The following ZNF723 variants were observed in gnomAD, a reference collection of about 807,000 sequenced individuals.
The protein encoded by ZNF723 is zinc finger protein 723, pseudogene.
ZNF723 carries 5 observed loss-of-function variants against 9.4 expected under a neutral mutation model. The ratio of observed to expected loss-of-function variants is 0.53; its 90% CI spans 0.28 to 1.12. The LOEUF is 1.12. Ranked by LOEUF, ZNF723 falls within the 50% of genes most tolerant of loss-of-function variation. The pLI, the probability that ZNF723 is intolerant of heterozygous loss-of-function variation, is 0.10. For synonymous variants in ZNF723, 158 were observed against 168.8 expected, an observed-to-expected ratio of 0.94 and a Z score of 0.49; for missense variants, 450 against 501.5, an observed-to-expected ratio of 0.90 and a Z score of 0.98.
intron 1 of ZNF723, among the ~76,000 whole-genome samples, chr19:22,836,765 G>A (rs910678579): frequency 5.9e-5 from 9 of 152,178 alleles, no homozygotes; most frequent in Non-Finnish European, 1.2e-4. Flanking sequence ...CAGAGTCTAT[G>A]TCTGGCTGTG....
chr19:22,848,556 C>G (rs1219492464), intron 2 of ZNF723, among the ~76,000 whole-genome samples, 169 bp downstream of exon 2: 3 of 152,030 alleles, frequency 2.0e-5, no homozygotes, highest in African/African-American at 7.2e-5. Flanking sequence ...TCAAGATAAA[C>G]ATCTTGAAGT....
At chr19:22,850,505 T>C (rs1967379572) in intron 3 of ZNF723, among the ~76,000 whole-genome samples, 1 of 145,544 alleles carries the variant, frequency 6.9e-6, no homozygotes, top group Admixed American at 6.9e-5. Context: ...TTTTTTTTTT[T>C]TCTTTTTACT....
intron 1 of ZNF723, among the ~76,000 whole-genome samples, chr19:22,842,752 A>AGAGCCAGGTT (rs1177563730): frequency 6.6e-6 from 1 of 152,226 alleles, no homozygotes; most frequent in East Asian, 1.9e-4. Flanking sequence ...CCAAGAATGA[A>AGAGCCAGGTT]GAGCCAGGTT....
At chr19:22,829,703 T>C (rs1189931827), upstream of ZNF723, among the ~76,000 whole-genome samples, 1 of 151,730 alleles carries the variant, frequency 6.6e-6, no homozygotes, top group Non-Finnish European at 1.5e-5. Context: ...ATTCTAATGC[T>C]GCCACTTTCA....
At chr19:22,842,185 A>G (rs1395403905) in intron 1 of ZNF723, among the ~76,000 whole-genome samples, 1 of 152,162 alleles carries the variant, frequency 6.6e-6, no homozygotes, top group East Asian at 1.9e-4. Flanking sequence ...TTGTATTTTT[A>G]GTAAAGAAGG....
At chr19:22,831,879 T>A (rs1473038759), upstream of ZNF723, among the ~76,000 whole-genome samples, 2 of 149,956 alleles carry the variant, frequency 1.3e-5, no homozygotes, top group Non-Finnish European at 3.0e-5. Flanking sequence ...CGGCACTCCA[T>A]CCTGGGCGAC....
intron 1 of ZNF723, among the ~76,000 whole-genome samples, chr19:22,835,355 C>T (rs548985942): frequency 6.6e-6 from 1 of 151,966 alleles, no homozygotes; most frequent in East Asian, 1.9e-4. Context: ...CTGGGTTTGC[C>T]ACCTTGAAAA....
At chr19:22,851,107 A>T (rs1283538621) in intron 3 of ZNF723, among the ~76,000 whole-genome samples, 1 of 152,106 alleles carries the variant, frequency 6.6e-6, no homozygotes, top group East Asian at 1.9e-4. Context: ...CACCATCATT[A>T]TAATAGAATT....
chr19:22,833,458 G>C (rs1026050607), intron 1 of ZNF723, among the ~76,000 whole-genome samples: 1 of 151,504 alleles, frequency 6.6e-6, no homozygotes, highest in Non-Finnish European at 1.5e-5. Context: ...GCTATGCCCT[G>C]CATTTTTCAC....
At chr19:22,827,481 T>G (rs974422565), upstream of ZNF723, among the ~76,000 whole-genome samples, 1 of 151,938 alleles carries the variant, frequency 6.6e-6, no homozygotes, top group Non-Finnish European at 1.5e-5. Context: ...AAAGTCTTGC[T>G]CTGTAGCTCA....
At chr19:22,830,819 G>A (rs11085551), upstream of ZNF723, among the ~76,000 whole-genome samples, 23,395 of 152,124 alleles carry the variant, frequency 0.15, 1,836 homozygotes, top group Non-Finnish European at 0.18. Context: ...CTGGAGTGCA[G>A]TGGTGCGATC....
At chr19:22,841,594 G>A (rs1305585054) in intron 1 of ZNF723, among the ~76,000 whole-genome samples, 3 of 152,176 alleles carry the variant, frequency 2.0e-5, no homozygotes, top group Non-Finnish European at 4.4e-5. Context: ...TACTCTAGAG[G>A]AGACTTCCTC....
At chr19:22,820,215 G>A in the ZNF723 span, among the ~76,000 whole-genome samples, 1 of 152,132 alleles carries the variant, frequency 6.6e-6, no homozygotes, top group African/African-American at 2.4e-5. Flanking sequence ...CTTAAAAGAT[G>A]TGACCCTTTT....
chr19:22,816,146 A>G, the ZNF723 span, among the ~76,000 whole-genome samples: 1 of 152,206 alleles, frequency 6.6e-6, no homozygotes, highest in African/African-American at 2.4e-5. Context: ...ACTTTAATGT[A>G]TATTGTAGAA....
intron 3 of ZNF723, among the ~76,000 whole-genome samples, chr19:22,856,775 C>T (rs1335213477): frequency 6.6e-6 from 1 of 152,182 alleles, no homozygotes; most frequent in African/African-American, 2.4e-5. Context: ...CAGTATTTTA[C>T]TTGTCTTTTA....
At position 22,857,599 on chromosome 19, in the gene ZNF723, A is replaced by G. The variant is rs1246500288; in HGVS notation, c.708A>G (p.Lys236=). ...CCTACAAATGTGAAGAATGTGGCAA[A>G]GCCTTTAATGTGTCCTCAAGCCTTA... ...EKPYKCEECG[K]AFNVSSSLNN... The change falls in exon 4 of 4, where the codon AAA becomes AAG. Residue 236 remains lysine (K), a synonymous_variant. Coordinates refer to ENST00000600766, the MANE Select transcript of ZNF723 (RefSeq NM_001349726.2). 2 of 1,331,548 alleles carry G rather than the reference A, an allele frequency of 1.5e-6. No homozygotes were observed. The highest frequency in any genetic ancestry group is 2.2e-6 in the Non-Finnish European group (2 of 923,568). 82.5% of individuals were successfully genotyped at this position (1,331,548 alleles called of 1,614,324 possible).
intron 1 of ZNF723, among the ~76,000 whole-genome samples, chr19:22,834,127 G>A (rs1014377240): frequency 2.0e-5 from 3 of 151,738 alleles, no homozygotes; most frequent in Non-Finnish European, 4.4e-5. Flanking sequence ...TGTTGGCCAG[G>A]CTGGTATCGA....
chr19:22,825,639 G>A, the ZNF723 span, among the ~76,000 whole-genome samples: 2 of 152,162 alleles, frequency 1.3e-5, no homozygotes, highest in Non-Finnish European at 2.9e-5. Context: ...GAGCATTGTG[G>A]CATATCACTG....
chr19:22,838,148 T>A (rs1967191302), intron 1 of ZNF723, among the ~76,000 whole-genome samples: 1 of 152,214 alleles, frequency 6.6e-6, no homozygotes, highest in Non-Finnish European at 1.5e-5. Flanking sequence ...CAAACAGATT[T>A]TTGTTTTTTA....
Sources: gnomAD v4.1 joint callset for allele counts (sites outside exome capture counted in the v4.1 genomes callset) on GRCh38, gnomAD v4.1.1 for gene constraint, MANE v1.5 for transcripts, NCBI Gene and HGNC (gene_info 2026-07-23, HGNC 2026-07-21) for gene names.